RARB: variants seen among roughly 807,000 people sequenced by gnomAD.
RARB encodes the protein HBV-activated protein.
RARB carries 17 observed loss-of-function variants against 51.9 expected under a neutral mutation model. That is an observed-to-expected ratio of 0.33 (90% confidence interval 0.22 to 0.49). RARB has a LOEUF of 0.49. Ranked by LOEUF, RARB falls within the 20% of genes least tolerant of loss-of-function variation. The pLI, the probability that RARB is intolerant of heterozygous loss-of-function variation, is 0.99. For missense variants in RARB, 369 were observed against 550.8 expected (o/e 0.67, Z 3.30); for synonymous variants, 215 against 195.4 (o/e 1.10, Z -0.84).
rs11286841 is a variant in RARB, at chr3:25,268,390, G to GAA, written c.178+93827_178+93828dup. Among the ~76,000 whole-genome samples the GAA allele has an allele frequency of 2.7e-3, 405 of 147,402 alleles. 2 individuals carry two copies. Among genetic ancestry groups the GAA allele is most frequent in the African/African-American group, 9.6e-3 (385 of 40,022 alleles). ...CTGATTCACAGTCCCCCAGAAAATA[G>GAA]AAAAAAAAAAAAAGTCAAGATGCCA... On this transcript the variant is annotated intron_variant, in intron 5 of 11. Coordinates refer to the RARB transcript ENST00000383772.
intron 5 of RARB, among the ~76,000 whole-genome samples, chr3:25,285,707 C>T (rs781577593): frequency 6.6e-6 from 1 of 152,124 alleles, no homozygotes; most frequent in Non-Finnish European, 1.5e-5. Flanking sequence ...ATGCAGAGGA[C>T]GCAGTGTGAC....
chr3:25,100,455 G>A (rs930125589), intron 3 of RARB, among the ~76,000 whole-genome samples: 2 of 152,134 alleles, frequency 1.3e-5, no homozygotes, highest in African/African-American at 2.4e-5. Context: ...ATTTGAAGGT[G>A]AATGGCTTAG....
chr3:25,204,422 A>T (rs541759887), intron 5 of RARB, among the ~76,000 whole-genome samples: 5 of 152,078 alleles, frequency 3.3e-5, no homozygotes, highest in Non-Finnish European at 7.4e-5. Flanking sequence ...CCTTCTCTCA[A>T]CTCGTCAAAG....
In RARB at chr3:25,402,741, G is replaced by T. The variant is rs540199669; in HGVS notation, c.179-58452G>T. On this transcript the variant is annotated intron_variant, in intron 5 of 11. Coordinates refer to the RARB transcript ENST00000383772. Reference sequence around the variant, plus strand: ...GTCGCATGTTCTCACTTATTTGTGGGATCTAAAAATCAAAACAATTGAACT... The same window carrying T: ...GTCGCATGTTCTCACTTATTTGTGGTATCTAAAAATCAAAACAATTGAACT... 2.0e-5 allele frequency among the ~76,000 whole-genome samples: 3 copies of T among 152,036 alleles called. No individual in the cohort carries two copies. In the South Asian group the frequency reaches 6.2e-4, roughly 32 times the overall value.
intron 3 of RARB, among the ~76,000 whole-genome samples, chr3:25,538,323 T>G (rs1260159033): frequency 6.6e-6 from 1 of 152,202 alleles, no homozygotes; most frequent in Non-Finnish European, 1.5e-5. Context: ...ACCCATCTGG[T>G]TATCAAAAGG....
At chr3:24,842,228 T>C (rs986521777) in intron 1 of RARB, among the ~76,000 whole-genome samples, 3 of 152,228 alleles carry the variant, frequency 2.0e-5, no homozygotes, top group African/African-American at 7.2e-5. Context: ...AGATTCATTG[T>C]CTTTAGATAT....
chr3:25,014,078 C>G (rs769903310), intron 2 of RARB, among the ~76,000 whole-genome samples: 1 of 152,092 alleles, frequency 6.6e-6, no homozygotes. Flanking sequence ...AAACTTACCT[C>G]CTTATCAGCT....
intron 2 of RARB, among the ~76,000 whole-genome samples, chr3:24,912,301 T>A (rs1308219647): frequency 6.6e-6 from 1 of 152,214 alleles, no homozygotes; most frequent in Non-Finnish European, 1.5e-5. Context: ...TTAGGGAACA[T>A]TTCTGTACCT....
At chr3:25,575,018 T>G (rs552048837) in intron 4 of RARB, among the ~76,000 whole-genome samples, 39 of 152,268 alleles carry the variant, frequency 2.6e-4, no homozygotes, top group Admixed American at 1.7e-3. Flanking sequence ...TAAACACACC[T>G]GTGCTGCCAG....
At chr3:25,147,549 A>G (rs1700214124) in intron 4 of RARB, among the ~76,000 whole-genome samples, 1 of 152,226 alleles carries the variant, frequency 6.6e-6, no homozygotes, top group Non-Finnish European at 1.5e-5. Flanking sequence ...CCAGTTTTGA[A>G]TGAAAGAAAA....
intron 5 of RARB, among the ~76,000 whole-genome samples, chr3:25,223,800 C>A (rs1301162376): frequency 1.3e-5 from 2 of 152,122 alleles, no homozygotes; most frequent in Non-Finnish European, 1.5e-5. Flanking sequence ...TTTCAGTTTC[C>A]TTTCAGATCT....
At chr3:25,201,623 G>T (rs951062126) in intron 5 of RARB, among the ~76,000 whole-genome samples, 1 of 152,174 alleles carries the variant, frequency 6.6e-6, no homozygotes, top group Non-Finnish European at 1.5e-5. Context: ...CTAATTTATT[G>T]AGAGTTTTTA....
intron 2 of RARB, among the ~76,000 whole-genome samples, chr3:25,022,105 A>G (rs1202825694): frequency 6.6e-6 from 1 of 152,216 alleles, no homozygotes; most frequent in Non-Finnish European, 1.5e-5. Flanking sequence ...TATTACTGCC[A>G]GAAACTGGAG....
intron 2 of RARB, among the ~76,000 whole-genome samples, chr3:25,006,054 C>G (rs1034792066): frequency 6.6e-6 from 1 of 152,134 alleles, no homozygotes; most frequent in Non-Finnish European, 1.5e-5. Context: ...ACTGAACTGT[C>G]CTTCACCAGA....
At chr3:24,911,998 C>T (rs35913336) in intron 2 of RARB, among the ~76,000 whole-genome samples, 16,954 of 152,152 alleles carry the variant, frequency 0.11, 1,179 homozygotes, top group Non-Finnish European at 0.15. Flanking sequence ...AGTCTCCAGA[C>T]GTGCAATGAT....
intron 5 of RARB, among the ~76,000 whole-genome samples, chr3:25,403,565 G>C (rs551434176): frequency 2.6e-5 from 4 of 152,078 alleles, no homozygotes; most frequent in Non-Finnish European, 5.9e-5. Flanking sequence ...AGTAAGCCTA[G>C]GCAGTTCAGG....
In RARB at chr3:24,997,856, T is replaced by C. The variant is rs142314712; in HGVS notation, c.-379-62269T>C. 3.5e-3 allele frequency among the ~76,000 whole-genome samples: 540 copies of C among 152,308 alleles called. 3 individuals carry two copies. Among genetic ancestry groups the C allele is most frequent in the African/African-American group, 0.012 (508 of 41,566 alleles). ...TAACAGTCTACATATATGCATTATATCCAACTTCTTGATTGAGTTGTTAAA... is the reference window on the plus strand; with the variant it reads ...TAACAGTCTACATATATGCATTATACCCAACTTCTTGATTGAGTTGTTAAA... On this transcript the variant is annotated intron_variant, in intron 2 of 11. Transcript: ENST00000383772.
intron 5 of RARB, among the ~76,000 whole-genome samples, chr3:25,417,001 A>C (rs997953408): frequency 1.3e-5 from 2 of 152,144 alleles, no homozygotes; most frequent in African/African-American, 4.8e-5. Context: ...CTCCAGATGC[A>C]TCAGTAATCA....
At chr3:25,272,893 A>G (rs1388185711) in intron 5 of RARB, among the ~76,000 whole-genome samples, 2 of 152,188 alleles carry the variant, frequency 1.3e-5, no homozygotes, top group African/African-American at 2.4e-5. Context: ...CTGTTAAACT[A>G]CAGGGCTGCT....
Sources: gnomAD v4.1 joint callset for allele counts (sites outside exome capture counted in the v4.1 genomes callset) on GRCh38, gnomAD v4.1.1 for gene constraint, MANE v1.5 for transcripts, NCBI Gene and HGNC (gene_info 2026-07-23, HGNC 2026-07-21) for gene names.